The following UBTD2 variants were observed in gnomAD, a reference collection of about 807,000 sequenced individuals.
The protein encoded by UBTD2 is ubiquitin domain-containing protein 2.
A neutral mutation model predicts 19.8 loss-of-function variants in UBTD2; 9 were observed. That is an observed-to-expected ratio of 0.46 (90% CI 0.27 to 0.79). The LOEUF (loss-of-function observed/expected upper bound fraction) is 0.79. Ranked by LOEUF, UBTD2 falls within the 30% of genes least tolerant of loss-of-function variation. The pLI is 0.14. For missense variants in UBTD2, 250 were observed against 300.4 expected (o/e 0.83, Z 1.24); for synonymous variants, 98 against 103.9 (o/e 0.94, Z 0.35).
intron 1 of UBTD2, chr5:172,255,495 C>T (rs932865621): frequency 2.0e-5 from 7 of 341,934 alleles, no homozygotes; most frequent in Non-Finnish European, 3.6e-5. Flanking sequence ...TTAGGGACGC[C>T]GCCCACGAGA....
At chr5:172,252,689 G>A (rs904594400) in intron 1 of UBTD2, among the ~76,000 whole-genome samples, 46 of 152,054 alleles carry the variant, frequency 3.0e-4, no homozygotes, top group Non-Finnish European at 5.3e-4. Context: ...CTAATGTTAA[G>A]AGCCTGGCAA....
rs115910681 is a variant in UBTD2 at position 172,283,127 on chromosome 5, G to A, written c.70+469C>T. Among the ~76,000 whole-genome samples, 6,484 of 152,244 alleles carry A rather than the reference G, an allele frequency of 0.043. 199 individuals carry two copies. Among genetic ancestry groups the A allele is most frequent in the Non-Finnish European group, 0.059 (4,029 of 68,006 alleles). ...GAACCAACCGGGGCAGCTGTCATCT[G>A]AAACTCAGGAAAGCTGAGACCAGCC... On this transcript the variant is annotated intron_variant, in intron 1 of 2. Coordinates refer to ENST00000393792, the MANE Select transcript of UBTD2 (RefSeq NM_152277.3). The surrounding 1 kb of genome is among the most constrained non-coding windows in gnomAD (Gnocchi z 4.3).
intron 1 of UBTD2, among the ~76,000 whole-genome samples, chr5:172,267,446 A>C (rs560947425): frequency 6.6e-6 from 1 of 152,368 alleles, no homozygotes; most frequent in African/African-American, 2.4e-5. Context: ...AAACTGTACA[A>C]GTGAGCACAT....
chr5:172,240,073 T>C (rs775413446), intron 1 of UBTD2, among the ~76,000 whole-genome samples: 1 of 152,196 alleles, frequency 6.6e-6, no homozygotes, highest in East Asian at 1.9e-4. Context: ...AAATGATCCA[T>C]CCATGGGCTT....
At chr5:172,243,144 T>A (rs1008644396) in intron 1 of UBTD2, among the ~76,000 whole-genome samples, 160 of 150,584 alleles carry the variant, frequency 1.1e-3, no homozygotes, top group Non-Finnish European at 2.1e-3. Context: ...TTTTTTTTTT[T>A]AATATTTGAA....
At chr5:172,267,902 G>A (rs1326473756) in intron 1 of UBTD2, among the ~76,000 whole-genome samples, 1 of 152,232 alleles carries the variant, frequency 6.6e-6, no homozygotes, top group South Asian at 2.1e-4. Context: ...AACGGAAGAT[G>A]AGTGGAACAC....
intron 2 of UBTD2, among the ~76,000 whole-genome samples, chr5:172,218,798 T>TAAAAAAAAAAAAAAAA (rs58608463): frequency 8.2e-6 from 1 of 121,468 alleles, no homozygotes; most frequent in African/African-American, 3.0e-5. Flanking sequence ...AATAAAAAAA[T>TAAAAAAAAAAAAAAAA]AAAAAAAAAA....
Position 172,257,886 on chromosome 5 carries a change from C to T in UBTD2, c.71-23528G>A, listed in dbSNP as rs187288379. On this transcript the variant is annotated intron_variant, in intron 1 of 2. Transcript: ENST00000393792. The stretch of plus-strand genomic sequence containing the variant: ...TGTTTGCTTTTTGTCTGTTAAGTTT[C>T]TTATCAATTCAGGGTTTTAGACCTT... 3.2e-3 allele frequency among the ~76,000 whole-genome samples: 488 copies of T among 152,188 alleles called. 1 individual carries two copies. The highest frequency in any genetic ancestry group is 0.011 in the African/African-American group (466 of 41,526).
intron 1 of UBTD2, among the ~76,000 whole-genome samples, chr5:172,272,505 A>T (rs1755512816): frequency 6.6e-6 from 1 of 151,974 alleles, no homozygotes; most frequent in South Asian, 2.1e-4. Context: ...AAAAAATGAG[A>T]GTCATTAAAT....
At chr5:172,278,200 A>C (rs1021941149) in intron 1 of UBTD2, among the ~76,000 whole-genome samples, 6 of 152,198 alleles carry the variant, frequency 3.9e-5, no homozygotes, top group Admixed American at 3.3e-4. Context: ...TTGAAAACAG[A>C]CACTTGTACA....
rs879914114 is a variant in UBTD2, at chr5:172,283,174, G to T, written c.70+422C>A. Among the ~76,000 whole-genome samples, 17 of 152,202 alleles carry T rather than the reference G, an allele frequency of 1.1e-4. No individual in the cohort carries two copies. Among genetic ancestry groups the T allele is most frequent in the Non-Finnish European group, 2.4e-4 (16 of 68,038 alleles). The stretch of plus-strand genomic sequence containing the variant: ...AGCCAACTCCACAGAACAAGGAAGG[G>T]TGCGGAAAGATGTGGCGGGGCCCGT... On this transcript the variant is annotated intron_variant, in intron 1 of 2. Transcript: ENST00000393792. This position sits in a 1 kb window ranked among gnomAD's most constrained non-coding sequence, Gnocchi z 4.3.
At chr5:172,242,974 A>G (rs1053440247) in intron 1 of UBTD2, among the ~76,000 whole-genome samples, 1 of 152,106 alleles carries the variant, frequency 6.6e-6, no homozygotes. Context: ...ATGCTCCGAA[A>G]TTGACCCACA....
Position 172,212,033 on chromosome 5 carries a change from C to A in UBTD2, c.502G>T (p.Val168Phe). 6.2e-7 allele frequency: 1 copy of A among 1,614,210 alleles called. No homozygotes were observed. The highest frequency in any genetic ancestry group is 1.1e-5 in the South Asian group (1 of 91,082). ...TGGAATACTGTGTCTGTGCTGCGAA[C>A]CACAAGCTTGAGGTCTTTGCCTGTG... is the stretch of plus-strand genomic sequence containing the variant. ...LSTGKDLKLVVRSTDTVFHMK... is the reference protein window; with the variant it reads ...LSTGKDLKLVFRSTDTVFHMK... Residue 168 changes from valine to phenylalanine, a missense_variant, in exon 3 of 3, where the codon GTT (valine) becomes TTT (phenylalanine). Transcript: ENST00000393792.
At chr5:172,238,458 TC>T (rs1772055606) in intron 1 of UBTD2, among the ~76,000 whole-genome samples, 1 of 152,128 alleles carries the variant, frequency 6.6e-6, no homozygotes, top group Admixed American at 6.6e-5. Context: ...AAATATCCTT[TC>T]CCCCATCAAT....
intron 2 of UBTD2, among the ~76,000 whole-genome samples, chr5:172,230,026 A>G (rs1201279921): frequency 6.6e-6 from 1 of 152,240 alleles, no homozygotes; most frequent in East Asian, 1.9e-4. Flanking sequence ...GCAAATCATG[A>G]AAAATAAAGC....
At chr5:172,255,788 T>A (rs1581227357) in intron 1 of UBTD2, among the ~76,000 whole-genome samples, 1 of 152,010 alleles carries the variant, frequency 6.6e-6, no homozygotes, top group African/African-American at 2.4e-5. Context: ...ATTCTTAACT[T>A]TTAAGATAGA....
chr5:172,242,342 T>C (rs866070786), intron 1 of UBTD2: 33 of 974,104 alleles, frequency 3.4e-5, no homozygotes, highest in African/African-American at 3.2e-4. Flanking sequence ...TCATCTATTA[T>C]GAAGTCTTAT....
chr5:172,259,612 G>C (rs1173634934), intron 1 of UBTD2, among the ~76,000 whole-genome samples: 2 of 152,106 alleles, frequency 1.3e-5, no homozygotes, highest in Non-Finnish European at 2.9e-5. Flanking sequence ...ATGTATGTGT[G>C]TGGAGGCGGT....
rs112689644 is a variant in UBTD2, at chr5:172,253,505, G to A, written c.71-19147C>T. On this transcript the variant is annotated intron_variant, in intron 1 of 2. Transcript: ENST00000393792. ...AGTCTCACTCTGTTGCCAGGCTGTA[G>A]TGCAGTGGCGGGATCTCCACTCACT... Among the ~76,000 whole-genome samples the A allele has an allele frequency of 1.1e-3, 161 of 149,718 alleles. 1 individual carries two copies. The highest frequency in any genetic ancestry group is 3.5e-3 in the Middle Eastern group (1 of 288).
Sources: allele counts gnomAD v4.1 joint callset (sites outside exome capture counted in the v4.1 genomes callset), GRCh38; gene constraint gnomAD v4.1.1; non-coding constraint Gnocchi (gnomAD v3.1); transcripts MANE v1.5; gene names NCBI Gene and HGNC (gene_info 2026-07-23, HGNC 2026-07-21).